ITGA8: variants seen among roughly 807,000 people sequenced by gnomAD.
The protein encoded by ITGA8 is integrin alpha-8.
ITGA8 carries 91 observed loss-of-function variants against 142.3 expected under a neutral mutation model. The ratio of observed to expected loss-of-function variants is 0.64; its 90% CI spans 0.54 to 0.76. ITGA8 has a LOEUF of 0.76. ITGA8 is among the 30% of genes least tolerant of loss of function. ITGA8 has a pLI of 0.00. For synonymous variants in ITGA8, 505 were observed against 485.2 expected (o/e 1.04, Z -0.54); for missense variants, 1,406 against 1,327.7 (o/e 1.06, Z -0.92).
intron 2 of ITGA8, among the ~76,000 whole-genome samples, chr10:15,689,620 T>C (rs1338495996): frequency 6.6e-6 from 1 of 152,044 alleles, no homozygotes; most frequent in Non-Finnish European, 1.5e-5. Flanking sequence ...TGTACCCCAC[T>C]CCTGTGACCA....
chr10:15,629,781 G>A (rs1466745335), intron 13 of ITGA8, among the ~76,000 whole-genome samples: 1 of 151,968 alleles, frequency 6.6e-6, no homozygotes, highest in African/African-American at 2.4e-5. Flanking sequence ...ATAAAAATTA[G>A]TTGGGTGTGC....
chr10:15,627,962 G>A (rs570605431), intron 13 of ITGA8, among the ~76,000 whole-genome samples: 127 of 145,110 alleles, frequency 8.8e-4, no homozygotes, highest in Non-Finnish European at 1.5e-3. Context: ...AGATGGTGAC[G>A]GGAGTGACCT....
intron 12 of ITGA8, among the ~76,000 whole-genome samples, chr10:15,644,433 AATATATATATATATATATATATATATAT>A (rs57868499): frequency 0.021 from 883 of 42,440 alleles, 36 homozygotes; most frequent in Admixed American, 0.086. Flanking sequence ...ATGTCAGGCT[AATATATATATATATATATATATATATAT>A]ATATATATAT....
chr10:15,602,495 T>C (rs1833121439), intron 20 of ITGA8, among the ~76,000 whole-genome samples: 1 of 152,126 alleles, frequency 6.6e-6, no homozygotes, highest in Admixed American at 6.6e-5. Context: ...ATCAGCGCTT[T>C]GGAAGGCCAA....
At chr10:15,578,843 C>T (rs1285802129) in intron 23 of ITGA8, among the ~76,000 whole-genome samples, 2 of 152,104 alleles carry the variant, frequency 1.3e-5, no homozygotes, top group Admixed American at 1.3e-4. Flanking sequence ...GCCAAGTTTA[C>T]TTCTCACAGA....
chr10:15,580,020 A>C (rs1834376229), intron 23 of ITGA8, among the ~76,000 whole-genome samples: 1 of 151,726 alleles, frequency 6.6e-6, no homozygotes, highest in Non-Finnish European at 1.5e-5. Flanking sequence ...GAAACCAATA[A>C]AATAGAAAAG....
intron 13 of ITGA8, among the ~76,000 whole-genome samples, chr10:15,641,179 G>A (rs1833865733): frequency 6.6e-6 from 1 of 152,152 alleles, no homozygotes; most frequent in African/African-American, 2.4e-5. Flanking sequence ...TCAGCTGCCT[G>A]CGTAGCTGGG....
intron 13 of ITGA8, among the ~76,000 whole-genome samples, chr10:15,620,819 A>G (rs954232317): frequency 1.3e-5 from 2 of 152,218 alleles, no homozygotes; most frequent in African/African-American, 2.4e-5. Flanking sequence ...TATGCAGCGT[A>G]TCTGTTATAT....
intron 2 of ITGA8, 30 bp downstream of exon 2, chr10:15,718,736 C>A: frequency 6.2e-7 from 1 of 1,610,520 alleles, no homozygotes; most frequent in Non-Finnish European, 8.5e-7. Context: ...AAACCCAGGC[C>A]CACAGCTTAG....
At chr10:15,644,256 A>G (rs1833926093) in intron 12 of ITGA8, 35 bp from the exon 13 acceptor site, 2 of 1,567,568 alleles carry the variant, frequency 1.3e-6, no homozygotes, top group African/African-American at 1.4e-5. Flanking sequence ...TTATGTGTAT[A>G]TGTATTTAAT....
intron 24 of ITGA8, among the ~76,000 whole-genome samples, chr10:15,574,913 G>A (rs1009286088): frequency 6.6e-6 from 1 of 151,888 alleles, no homozygotes; most frequent in African/African-American, 2.4e-5. Context: ...TTAAAAAAAT[G>A]GAAATAATTA....
chr10:15,645,243 A>G (rs1384783579), intron 12 of ITGA8, among the ~76,000 whole-genome samples: 1 of 151,736 alleles, frequency 6.6e-6, no homozygotes, highest in African/African-American at 2.4e-5. Context: ...CCCCTTGTTT[A>G]CTCTCAGTGA....
chr10:15,557,169 T>A (rs1833902243), intron 26 of ITGA8, among the ~76,000 whole-genome samples: 1 of 152,000 alleles, frequency 6.6e-6, no homozygotes, highest in Admixed American at 6.6e-5. Context: ...TCACTTGAGG[T>A]CAGGAGTTCA....
At chr10:15,566,250 C>T (rs1834078041) in intron 25 of ITGA8, among the ~76,000 whole-genome samples, 1 of 152,138 alleles carries the variant, frequency 6.6e-6, no homozygotes, top group Non-Finnish European at 1.5e-5. Context: ...CGGCAACCTC[C>T]AGCTTTCCAC....
At chr10:15,665,023 A>G (rs983186235) in intron 8 of ITGA8, among the ~76,000 whole-genome samples, 7 of 152,196 alleles carry the variant, frequency 4.6e-5, no homozygotes, top group African/African-American at 7.2e-5. Context: ...TCCTTTGGGT[A>G]TATACCCAGT....
intron 10 of ITGA8, 78 bp from the exon 11 acceptor site, chr10:15,655,484 G>C: frequency 1.0e-6 from 1 of 960,622 alleles, no homozygotes; most frequent in Non-Finnish European, 1.7e-6. Context: ...ATTCCTGAAA[G>C]ATTCATCTCA....
chr10:15,657,517 T>C (rs966283313), intron 10 of ITGA8, among the ~76,000 whole-genome samples: 42 of 145,338 alleles, frequency 2.9e-4, no homozygotes, highest in African/African-American at 1.0e-3. Context: ...TTCATTTTTT[T>C]TTTTTTTTTT....
intron 25 of ITGA8, among the ~76,000 whole-genome samples, chr10:15,567,616 C>G (rs528789226): frequency 5.3e-5 from 8 of 152,316 alleles, no homozygotes; most frequent in African/African-American, 1.7e-4. Flanking sequence ...GAAGCAGAAA[C>G]TATCACCGGA....
chr10:15,677,047 A>G (rs756877328), intron 6 of ITGA8, among the ~76,000 whole-genome samples: 3 of 152,182 alleles, frequency 2.0e-5, no homozygotes, highest in Non-Finnish European at 4.4e-5. Context: ...TACAAATCGA[A>G]ATGATGCTTT....
Sources: gnomAD v4.1 joint callset for allele counts (sites outside exome capture counted in the v4.1 genomes callset) on GRCh38, gnomAD v4.1.1 for gene constraint, MANE v1.5 for transcripts, NCBI Gene and HGNC (gene_info 2026-07-23, HGNC 2026-07-21) for gene names.